Variants in ANKRD36C observed in about 807,000 individuals in gnomAD.
ANKRD36C encodes the protein ankyrin repeat domain-containing protein 36C.
Under a neutral mutation model 276.4 loss-of-function variants are expected in ANKRD36C, and 61 were observed. The ratio of observed to expected loss-of-function variants is 0.22; its 90% CI spans 0.18 to 0.27. The LOEUF is 0.27. Ranked by LOEUF, ANKRD36C falls within the 10% of genes least tolerant of loss-of-function variation. The probability of loss-of-function intolerance (pLI) is 1.00; values close to 1 mark genes in which losing one functional copy is unlikely to be tolerated. For synonymous variants in ANKRD36C, 483 were observed against 680.1 expected (o/e 0.71, Z 4.51); for missense variants, 1,447 against 2,032.3 (o/e 0.71, Z 5.54).
intron 44 of ANKRD36C, among the ~76,000 whole-genome samples, chr2:95,896,692 T>G (rs1196116915): frequency 7.3e-6 from 1 of 137,862 alleles, no homozygotes; most frequent in Non-Finnish European, 1.6e-5. Flanking sequence ...GCAGCCAAAA[T>G]AAAATATTTG....
chr2:95,962,507 AT>A lies in ANKRD36C; in HGVS notation c.828+11del, dbSNP rs1172969127. On this transcript the variant is annotated intron_variant, in intron 7 of 66. Transcript: ENST00000456556. ...AGTTAATAGTTCAAAACAGAAATGA[AT>A]GTGTAATTACCTTCAAGGCTGGTTG... 6.2e-7 allele frequency: 1 copy of A among 1,600,780 alleles called. No homozygotes were observed. Among genetic ancestry groups the A allele is most frequent in the African/African-American group, 1.3e-5 (1 of 74,810 alleles).
intron 38 of ANKRD36C, 95 bp from the exon 41 acceptor site, chr2:95,914,398 G>A (rs1677030028): frequency 2.1e-6 from 3 of 1,437,616 alleles, no homozygotes; most frequent in East Asian, 5.0e-5. Context: ...CTGTCTTCCT[G>A]CCTGTATTAG....
rs1676447015 is a variant in ANKRD36C, at chr2:95,893,732, G to A, written c.2756-1872C>T. On this transcript the variant is annotated intron_variant, in intron 44 of 66. Coordinates refer to ENST00000456556, the Ensembl canonical transcript of ANKRD36C. ...GTGGTTTCTGAGAAGACACTGAAAA[G>A]CAAAAGGGATTCATAATCACTCATA... 2 of 1,605,382 alleles carry A rather than the reference G, an allele frequency of 1.2e-6. No individual in the cohort carries two copies. Among genetic ancestry groups the A allele is most frequent in the African/African-American group, 2.7e-5 (2 of 74,632 alleles).
chr2:95,916,446 T>G (rs1268480892), intron 36 of ANKRD36C, among the ~76,000 whole-genome samples: 1 of 151,614 alleles, frequency 6.6e-6, no homozygotes, highest in Non-Finnish European at 1.5e-5. Flanking sequence ...AAGGTGGGTA[T>G]GCTGAGTGAT....
chr2:95,914,033 C>A lies in ANKRD36C; in HGVS notation c.2551+75G>T, dbSNP rs547936590. The A allele has an allele frequency of 2.8e-6, 4 of 1,405,332 alleles. No individual in the cohort carries two copies. In the Admixed American group the frequency reaches 8.3e-5, roughly 29 times the overall value. The allele number at this position is 1,405,332 out of a possible 1,614,324, so 87.1% of individuals were successfully genotyped here. ...GAATGTGCAGCTTCAACGAGCCCCC[C>A]GCTGATTTCTTCAGGGAAGAGAATT... On this transcript the variant is annotated intron_variant, in intron 40 of 66. Coordinates refer to ENST00000456556, the Ensembl canonical transcript of ANKRD36C.
chr2:95,902,409 A>T (rs1676680437), intron 42 of ANKRD36C, among the ~76,000 whole-genome samples: 1 of 150,320 alleles, frequency 6.7e-6, no homozygotes. Context: ...TCCTCTTTTC[A>T]CACCTTCCTG....
chr2:95,914,807 C>T (rs1677043407), intron 38 of ANKRD36C, among the ~76,000 whole-genome samples: 1 of 151,522 alleles, frequency 6.6e-6, no homozygotes, highest in Non-Finnish European at 1.5e-5. Context: ...CACATCTCTT[C>T]AGTGGAAGTG....
intron 54 of ANKRD36C, among the ~76,000 whole-genome samples, chr2:95,882,965 C>T (rs1179270621): frequency 6.6e-6 from 1 of 152,134 alleles, no homozygotes; most frequent in African/African-American, 2.4e-5. Context: ...TACACAATGA[C>T]AATGACACTT....
In ANKRD36C at chr2:95,903,215, T is replaced by C. The variant is rs1317176161; in HGVS notation, c.2654-3879A>G. ...AGGCTTTGATGGCTTCTACTTTGTG[T>C]CTGGGGACTAGAACATGACGGAAAT... On this transcript the variant is annotated intron_variant, in intron 42 of 66. Coordinates refer to ENST00000456556, the Ensembl canonical transcript of ANKRD36C. 2.8e-6 allele frequency: 4 copies of C among 1,423,756 alleles called. No homozygotes were observed. The African/African-American group carries it at 4.3e-5, about 15-fold the overall frequency. 88.2% of individuals were successfully genotyped at this position (1,423,756 alleles called of 1,614,324 possible).
chr2:95,916,289 T>C (rs537819473), intron 36 of ANKRD36C, 118 bp from the exon 39 acceptor site: 10 of 1,517,460 alleles, frequency 6.6e-6, no homozygotes, highest in East Asian at 2.4e-5. Context: ...GAGGCTTTGA[T>C]GGCTTCTACT....
intron 58 of ANKRD36C, among the ~76,000 whole-genome samples, chr2:95,878,165 C>G (rs1198401820): frequency 7.7e-6 from 1 of 129,470 alleles, no homozygotes; most frequent in Non-Finnish European, 1.6e-5. Flanking sequence ...GGCTGGGAGA[C>G]AGAGCAAGAC....
At chr2:95,888,796 G>A (rs1676264411) in intron 48 of ANKRD36C, among the ~76,000 whole-genome samples, 1 of 151,656 alleles carries the variant, frequency 6.6e-6, no homozygotes, top group African/African-American at 2.4e-5. Context: ...TAATATATTA[G>A]CCTCAATAAA....
chr2:95,896,000 T>C (rs1449964710), intron 44 of ANKRD36C, among the ~76,000 whole-genome samples: 1 of 147,776 alleles, frequency 6.8e-6, no homozygotes, highest in Non-Finnish European at 1.5e-5. Context: ...ACCATTATAC[T>C]AAAAACATTC....
At chr2:95,990,255 G>A (rs1331588307) in intron 1 of ANKRD36C, among the ~76,000 whole-genome samples, 4 of 152,194 alleles carry the variant, frequency 2.6e-5, no homozygotes, top group Admixed American at 2.6e-4. Context: ...CTTCATTTAT[G>A]AGTAATTCAT....
At chr2:95,853,601 T>C in intron 64 of ANKRD36C, 108 bp downstream of exon 84, 3 of 1,152,388 alleles carry the variant, frequency 2.6e-6, no homozygotes, top group Non-Finnish European at 2.4e-6. Flanking sequence ...TTAATTATCA[T>C]AAAAATACAA....
intron 46 of ANKRD36C, among the ~76,000 whole-genome samples, chr2:95,890,794 T>C (rs1351553867): frequency 6.6e-6 from 1 of 151,564 alleles, no homozygotes; most frequent in Non-Finnish European, 1.5e-5. Flanking sequence ...AAAATGACCA[T>C]TTTAGGAGTT....
chr2:95,990,693 C>T (rs1202587813), intron 1 of ANKRD36C, among the ~76,000 whole-genome samples: 1 of 152,024 alleles, frequency 6.6e-6, no homozygotes, highest in Non-Finnish European at 1.5e-5. Context: ...GAACACAGAC[C>T]ATCTTCCCAC....
At chr2:95,965,080 A>C (rs929589548) in intron 6 of ANKRD36C, among the ~76,000 whole-genome samples, 1 of 152,016 alleles carries the variant, frequency 6.6e-6, no homozygotes, top group African/African-American at 2.4e-5. Context: ...TTGCAGGTAC[A>C]AATAAGACAC....
At chr2:95,985,128 TAA>T (rs1205182156) in intron 3 of ANKRD36C, among the ~76,000 whole-genome samples, 4 of 152,212 alleles carry the variant, frequency 2.6e-5, no homozygotes, top group Non-Finnish European at 5.9e-5. Flanking sequence ...CTCTACTTAT[TAA>T]AAGAGTCCAC....
Sources: allele counts gnomAD v4.1 joint callset (sites outside exome capture counted in the v4.1 genomes callset), GRCh38; gene constraint gnomAD v4.1.1; transcripts MANE v1.5; gene names NCBI Gene and HGNC (gene_info 2026-07-23, HGNC 2026-07-21).